RUNX2: variants seen among roughly 807,000 people sequenced by gnomAD.
RUNX2 encodes runt-related transcription factor 2.
Under a neutral mutation model 51.7 loss-of-function variants are expected in RUNX2, and 10 were observed. That is an observed-to-expected ratio of 0.19 (90% CI 0.12 to 0.33). The LOEUF (loss-of-function observed/expected upper bound fraction) is 0.33, where lower values mean the gene tolerates loss of function less well. Ranked by LOEUF, RUNX2 falls within the 10% of genes least tolerant of loss-of-function variation. RUNX2 has a pLI of 1.00. For synonymous variants in RUNX2, 276 were observed against 273.6 expected, an observed-to-expected ratio of 1.01 and a Z score of -0.09; for missense variants, 562 against 691.3, an observed-to-expected ratio of 0.81 and a Z score of 2.10.
intron 2 of RUNX2, among the ~76,000 whole-genome samples, chr6:45,387,182 T>C (rs990648302): frequency 6.6e-6 from 1 of 152,154 alleles, no homozygotes; most frequent in African/African-American, 2.4e-5. Context: ...ACTTACTGAG[T>C]GGATGGTAGT....
chr6:45,390,546 C>T (rs1350014128), intron 2 of RUNX2, among the ~76,000 whole-genome samples: 4 of 152,098 alleles, frequency 2.6e-5, no homozygotes, highest in Non-Finnish European at 4.4e-5. Context: ...TTCAGAAGTG[C>T]TTTAATGTTG....
intron 6 of RUNX2, among the ~76,000 whole-genome samples, chr6:45,507,605 T>C (rs1210118425): frequency 6.6e-6 from 1 of 152,204 alleles, no homozygotes; most frequent in East Asian, 1.9e-4. Context: ...TACAGCCATT[T>C]TTTTCCCCAC....
At chr6:45,391,373 C>A (rs181992291) in intron 2 of RUNX2, among the ~76,000 whole-genome samples, 2 of 152,312 alleles carry the variant, frequency 1.3e-5, no homozygotes, top group African/African-American at 4.8e-5. Flanking sequence ...GATGAGCCTG[C>A]ACCTGCTTCA....
chr6:45,330,438 A>G (rs997634633), intron 2 of RUNX2, among the ~76,000 whole-genome samples: 11 of 152,024 alleles, frequency 7.2e-5, no homozygotes, highest in African/African-American at 2.7e-4. Flanking sequence ...TCAGGGAGGG[A>G]TAACAGAGGC....
At chr6:45,414,365 T>C (rs1345851053) in intron 2 of RUNX2, among the ~76,000 whole-genome samples, 2 of 152,182 alleles carry the variant, frequency 1.3e-5, no homozygotes, top group African/African-American at 4.8e-5. Flanking sequence ...ACGGTCCCTT[T>C]AATGTTCCAA....
chr6:45,423,904 G>T (rs1275401231), intron 3 of RUNX2, among the ~76,000 whole-genome samples: 1 of 152,242 alleles, frequency 6.6e-6, no homozygotes, highest in Non-Finnish European at 1.5e-5. Context: ...TCTGCGCCTC[G>T]CCCCGCCAGG....
intron 2 of RUNX2, among the ~76,000 whole-genome samples, chr6:45,404,266 AAAAAAAAAG>A (rs1350670712): frequency 6.4e-5 from 9 of 141,264 alleles, no homozygotes; most frequent in Non-Finnish European, 1.1e-4. Flanking sequence ...TCTCAAAAAA[AAAAAAAAAG>A]AAAAAGAAAA....
intron 2 of RUNX2, among the ~76,000 whole-genome samples, chr6:45,363,261 A>C (rs1012812685): frequency 6.6e-6 from 1 of 152,218 alleles, no homozygotes; most frequent in African/African-American, 2.4e-5. Flanking sequence ...CAGCAAGTCC[A>C]TGGCCATAAT....
intron 2 of RUNX2, chr6:45,421,196 C>T (rs891795382): frequency 6.6e-6 from 1 of 152,088 alleles, no homozygotes; most frequent in African/African-American, 2.4e-5. Context: ...TCATGGAAAA[C>T]GGCTGGTGCT....
chr6:45,363,839 A>G (rs186861286), intron 2 of RUNX2, among the ~76,000 whole-genome samples: 46 of 152,054 alleles, frequency 3.0e-4, no homozygotes, highest in Non-Finnish European at 4.9e-4. Flanking sequence ...TATAAGAAAT[A>G]TATTATTTAT....
At chr6:45,363,471 T>C (rs1424104394) in intron 2 of RUNX2, among the ~76,000 whole-genome samples, 3 of 152,146 alleles carry the variant, frequency 2.0e-5, no homozygotes, top group Non-Finnish European at 2.9e-5. Flanking sequence ...TATGGATATA[T>C]AGGTTTCATT....
chr6:45,492,158 C>A, intron 6 of RUNX2, 44 bp downstream of exon 6: 1 of 1,602,292 alleles, frequency 6.2e-7, no homozygotes, highest in Non-Finnish European at 8.6e-7. Context: ...CGCTGGCAGG[C>A]TGGGGGTGAG....
intron 6 of RUNX2, among the ~76,000 whole-genome samples, chr6:45,508,924 T>C (rs990804579): frequency 5.3e-5 from 8 of 152,226 alleles, no homozygotes; most frequent in African/African-American, 1.9e-4. Context: ...GAGTACTATG[T>C]GCAAGGCATT....
rs192398525 is a variant in RUNX2, at chr6:45,346,536, C to G, written c.58+17752C>G. Among the ~76,000 whole-genome samples, 17 of 151,518 alleles carry G rather than the reference C, an allele frequency of 1.1e-4. No homozygotes were observed. The East Asian group carries it at 3.3e-3, about 29-fold the overall frequency. ...CTTTTCACATCATCTAGCCAAATGC[C>G]TGGCATATAATAGGAATTCAATAAA... is the stretch of plus-strand genomic sequence containing the variant. On this transcript the variant is annotated intron_variant, in intron 2 of 8. Transcript: ENST00000647337.
At chr6:45,545,100 G>C in intron 7 of RUNX2, 117 bp from the exon 8 acceptor site, 1 of 835,142 alleles carries the variant, frequency 1.2e-6, no homozygotes, top group Middle Eastern at 2.9e-4. Context: ...TGAGGGATGG[G>C]AACCTCTCTG....
chr6:45,442,233 C>T (rs1798862528), intron 5 of RUNX2, among the ~76,000 whole-genome samples: 2 of 152,058 alleles, frequency 1.3e-5, no homozygotes, highest in African/African-American at 4.8e-5. Flanking sequence ...TTTTCTTTGC[C>T]AGCTTATCAT....
chr6:45,472,340 G>C (rs901403932), intron 5 of RUNX2, among the ~76,000 whole-genome samples: 1 of 152,178 alleles, frequency 6.6e-6, no homozygotes, highest in African/African-American at 2.4e-5. Context: ...TGGGTGTCAG[G>C]AACAAAGGCA....
intron 5 of RUNX2, among the ~76,000 whole-genome samples, chr6:45,486,264 G>A (rs1316702934): frequency 6.6e-6 from 1 of 152,034 alleles, no homozygotes; most frequent in Non-Finnish European, 1.5e-5. Context: ...ATATTTAATT[G>A]CTTTCTTCCC....
rs559375699 is a variant in RUNX2 at position 45,436,300 on chromosome 6, A to T, written c.581-1647A>T. 4.8e-5 allele frequency among the ~76,000 whole-genome samples: 7 copies of T among 146,948 alleles called. No individual in the cohort carries two copies. The East Asian group carries it at 9.8e-4, about 21-fold the overall frequency. On this transcript the variant is annotated intron_variant, in intron 4 of 8. Transcript: ENST00000647337. ...GAAGTGGCCAAGTGACAGAATATTT[A>T]AAAAAAAAAGAGCATTAATTTTAGG... is the stretch of plus-strand genomic sequence containing the variant.
Sources: gnomAD v4.1 joint callset for allele counts (sites outside exome capture counted in the v4.1 genomes callset) on GRCh38, gnomAD v4.1.1 for gene constraint, MANE v1.5 for transcripts, NCBI Gene and HGNC (gene_info 2026-07-23, HGNC 2026-07-21) for gene names.